HDAC9: variants seen among roughly 807,000 people sequenced by gnomAD.
HDAC9 encodes histone deacetylase 9.
A neutral mutation model predicts 139.4 loss-of-function variants in HDAC9; 41 were observed. The observed-to-expected ratio is 0.29, with a 90% CI of 0.23 to 0.38. HDAC9 has a LOEUF of 0.38. Among genes scored for constraint, HDAC9 ranks in the 10% least tolerant of loss-of-function variants. The probability of loss-of-function intolerance (pLI) is 1.00; values close to 1 mark genes in which losing one functional copy is unlikely to be tolerated. For synonymous variants in HDAC9, 517 were observed against 476.2 expected (o/e 1.09, Z -1.12); for missense variants, 1,147 against 1,297.0 (o/e 0.88, Z 1.78).
chr7:18,803,751 TTAG>T (rs1193843492), intron 17 of HDAC9, among the ~76,000 whole-genome samples: 1 of 152,182 alleles, frequency 6.6e-6, no homozygotes, highest in Non-Finnish European at 1.5e-5. Context: ...CCATGTATTT[TTAG>T]TGGATTTTAC....
At chr7:18,722,334 G>A (rs536232023) in intron 12 of HDAC9, among the ~76,000 whole-genome samples, 1 of 152,266 alleles carries the variant, frequency 6.6e-6, no homozygotes, top group East Asian at 1.9e-4. Context: ...ATTCATTTAA[G>A]GGGGGTAACA....
At chr7:18,230,635 G>A (rs758257382) in intron 2 of HDAC9, among the ~76,000 whole-genome samples, 4 of 152,164 alleles carry the variant, frequency 2.6e-5, no homozygotes, top group Non-Finnish European at 4.4e-5. Flanking sequence ...ATGCCATTTC[G>A]TTGTTGCTAT....
intron 2 of HDAC9, among the ~76,000 whole-genome samples, chr7:18,166,256 AT>A: frequency 1.3e-5 from 2 of 152,296 alleles, no homozygotes; most frequent in Non-Finnish European, 2.9e-5. Flanking sequence ...GTCCTGTAAC[AT>A]TAGTTTTCAA....
intron 16 of HDAC9, among the ~76,000 whole-genome samples, chr7:18,783,875 A>C (rs948617758): frequency 1.3e-5 from 2 of 152,042 alleles, no homozygotes; most frequent in African/African-American, 4.8e-5. Flanking sequence ...ATTTAGGGCT[A>C]CTAATAAATA....
intron 23 of HDAC9, among the ~76,000 whole-genome samples, chr7:18,950,833 A>G (rs181608094): frequency 3.6e-3 from 544 of 152,174 alleles, no homozygotes; most frequent in African/African-American, 0.012. Context: ...ATAAAAGTAC[A>G]GAAATATTAA....
chr7:18,121,911 G>A (rs1426999700), intron 1 of HDAC9, among the ~76,000 whole-genome samples: 3 of 152,130 alleles, frequency 2.0e-5, no homozygotes, highest in African/African-American at 7.2e-5. Flanking sequence ...GAGATCTTGA[G>A]GAAAAGATGA....
At chr7:18,692,139 G>A (rs1470355612) in intron 12 of HDAC9, among the ~76,000 whole-genome samples, 1 of 152,060 alleles carries the variant, frequency 6.6e-6, no homozygotes. Context: ...AGATTGGAAA[G>A]GAATGAACCA....
At chr7:18,206,780 AT>A (rs541816994) in intron 2 of HDAC9, among the ~76,000 whole-genome samples, 148 of 152,276 alleles carry the variant, frequency 9.7e-4, no homozygotes, top group African/African-American at 3.4e-3. Context: ...ACACACTGAA[AT>A]TTTGTTGGTA....
chr7:18,817,779 A>G (rs1375155940), intron 17 of HDAC9, among the ~76,000 whole-genome samples: 1 of 152,202 alleles, frequency 6.6e-6, no homozygotes, highest in Non-Finnish European at 1.5e-5. Flanking sequence ...CAGCATAGTC[A>G]TAGAAACTGC....
At chr7:18,438,144 A>G (rs2128088543) in intron 1 of HDAC9, among the ~76,000 whole-genome samples, 1 of 151,714 alleles carries the variant, frequency 6.6e-6, no homozygotes, top group East Asian at 1.9e-4. Context: ...ATAAGTTCTC[A>G]CAAATCAAAC....
intron 2 of HDAC9, among the ~76,000 whole-genome samples, chr7:18,511,746 C>T (rs1221853402): frequency 6.6e-6 from 1 of 152,124 alleles, no homozygotes; most frequent in Non-Finnish European, 1.5e-5. Context: ...TTATGCTTCA[C>T]CAGTCATATA....
intron 23 of HDAC9, among the ~76,000 whole-genome samples, chr7:18,937,726 A>G (rs1218713656): frequency 6.6e-6 from 1 of 152,204 alleles, no homozygotes; most frequent in Non-Finnish European, 1.5e-5. Flanking sequence ...TGTGCAGACA[A>G]TCAGAATAGG....
chr7:18,322,918 G>A (rs745973723), intron 1 of HDAC9, among the ~76,000 whole-genome samples: 1 of 152,160 alleles, frequency 6.6e-6, no homozygotes, highest in Admixed American at 6.6e-5. Context: ...GGGCTGGGAA[G>A]TTGGCTTGGG....
intron 22 of HDAC9, among the ~76,000 whole-genome samples, chr7:18,915,360 A>G (rs7796939): frequency 0.46 from 70,416 of 151,752 alleles, 16,847 homozygotes; most frequent in African/African-American, 0.52. Context: ...TCCATTTACT[A>G]TATTGCTCTG....
At chr7:18,143,554 G>A (rs112703153) in intron 1 of HDAC9, among the ~76,000 whole-genome samples, 12 of 152,184 alleles carry the variant, frequency 7.9e-5, no homozygotes, top group African/African-American at 1.2e-4. Flanking sequence ...TTGGGAGGCC[G>A]AGGCAGGCAG....
intron 12 of HDAC9, among the ~76,000 whole-genome samples, chr7:18,707,854 A>AGTGT (rs61496259): frequency 0.045 from 6,685 of 149,632 alleles, 433 homozygotes; most frequent in African/African-American, 0.14. Flanking sequence ...AGGGGAAAGG[A>AGTGT]GTGTGTGTGT....
At chr7:18,736,154 T>G (rs1040391792) in intron 13 of HDAC9, among the ~76,000 whole-genome samples, 1 of 152,234 alleles carries the variant, frequency 6.6e-6, no homozygotes, top group South Asian at 2.1e-4. Flanking sequence ...TAGGGTTTTC[T>G]AAATATACAA....
chr7:18,727,627 T>C lies in HDAC9; in HGVS notation c.1779T>C (p.Ala593=). Residue 593 remains alanine, a synonymous_variant, in exon 13 of 26, where the codon GCT becomes GCC. Coordinates refer to ENST00000686413, the MANE Select transcript of HDAC9 (RefSeq NM_178425.4). ...THTRALSVRQ[A]PLAAVGMDGL... ...CACGTGCGCTCTCTGTGCGCCAAGCTCCGCTGGCTGCGGTTGGCATGGATG... is the reference window on the plus strand; with the variant it reads ...CACGTGCGCTCTCTGTGCGCCAAGCCCCGCTGGCTGCGGTTGGCATGGATG... The C allele has an allele frequency of 6.3e-7, 1 of 1,589,306 alleles. No individual in the cohort carries two copies. Among genetic ancestry groups the C allele is most frequent in the South Asian group, 1.2e-5 (1 of 86,718 alleles).
chr7:18,587,504 A>G (rs959803515), intron 3 of HDAC9, among the ~76,000 whole-genome samples: 2 of 152,018 alleles, frequency 1.3e-5, no homozygotes, highest in Non-Finnish European at 2.9e-5. Flanking sequence ...GATGCTTTTC[A>G]TTAAGATTTT....
Sources: allele counts gnomAD v4.1 joint callset (sites outside exome capture counted in the v4.1 genomes callset), GRCh38; gene constraint gnomAD v4.1.1; transcripts MANE v1.5; gene names NCBI Gene and HGNC (gene_info 2026-07-23, HGNC 2026-07-21).